Variants in PIP4K2A observed in about 807,000 individuals in gnomAD.
PIP4K2A encodes the protein phosphatidylinositol-5-phosphate 4-kinase type 2 alpha, also known as phosphatidylinositol 5-phosphate 4-kinase type-2 alpha.
Under a neutral mutation model 42.9 loss-of-function variants are expected in PIP4K2A, and 14 were observed. That is an observed-to-expected ratio of 0.33 (90% CI 0.22 to 0.51). The LOEUF is 0.51. Among genes scored for constraint, PIP4K2A ranks in the 20% least tolerant of loss-of-function variants. The pLI is 0.97. For missense variants in PIP4K2A, 434 were observed against 519.8 expected, an observed-to-expected ratio of 0.83 and a Z score of 1.61; for synonymous variants, 192 against 192.2, an observed-to-expected ratio of 1.00 and a Z score of 0.01.
chr10:22,705,625 A>G (rs542688506), intron 1 of PIP4K2A, among the ~76,000 whole-genome samples: 1 of 151,800 alleles, frequency 6.6e-6, no homozygotes, highest in Admixed American at 6.6e-5. Flanking sequence ...GGTGTTTCTC[A>G]GACTTAAATA....
chr10:22,567,474 T>G, intron 6 of PIP4K2A: 2 of 427,530 alleles, frequency 4.7e-6, no homozygotes, highest in Non-Finnish European at 4.5e-6. Flanking sequence ...CAGGGTCACA[T>G]TCGGTTTGAT....
intron 1 of PIP4K2A, among the ~76,000 whole-genome samples, chr10:22,619,076 G>A (rs1442370297): frequency 5.0e-5 from 6 of 119,584 alleles, no homozygotes; most frequent in African/African-American, 1.2e-4. Flanking sequence ...ATTTTGTACT[G>A]GGGGAAAAAA....
intron 1 of PIP4K2A, among the ~76,000 whole-genome samples, chr10:22,685,754 C>T (rs1274944994): frequency 1.3e-5 from 2 of 151,788 alleles, no homozygotes; most frequent in African/African-American, 2.4e-5. Context: ...GTGGGGGTGG[C>T]GGCGGGGCAG....
At chr10:22,550,258 G>A (rs1015639274) in intron 7 of PIP4K2A, among the ~76,000 whole-genome samples, 2 of 152,206 alleles carry the variant, frequency 1.3e-5, no homozygotes, top group Non-Finnish European at 2.9e-5. Context: ...AAAGTGCCAA[G>A]ACTGTAATAG....
intron 5 of PIP4K2A, among the ~76,000 whole-genome samples, chr10:22,570,808 G>A (rs963959047): frequency 6.6e-6 from 1 of 151,902 alleles, no homozygotes; most frequent in South Asian, 2.1e-4. Context: ...TCAAACAGTG[G>A]CAACAGTGGG....
At chr10:22,546,618 C>T (rs919303572) in intron 7 of PIP4K2A, among the ~76,000 whole-genome samples, 4 of 152,066 alleles carry the variant, frequency 2.6e-5, no homozygotes, top group African/African-American at 9.7e-5. Context: ...ACTATGTTGC[C>T]CAGGCTGTTC....
intron 4 of PIP4K2A, among the ~76,000 whole-genome samples, chr10:22,579,455 T>G (rs1837205888): frequency 6.6e-6 from 1 of 152,204 alleles, no homozygotes; most frequent in Non-Finnish European, 1.5e-5. Flanking sequence ...AATGGTGTTC[T>G]CCACAGAGTC....
intron 6 of PIP4K2A, among the ~76,000 whole-genome samples, chr10:22,551,463 CTG>C (rs1564416909): frequency 6.6e-6 from 1 of 152,184 alleles, no homozygotes; most frequent in Non-Finnish European, 1.5e-5. Context: ...AATAAGTAAA[CTG>C]CACTTATGGC....
intron 1 of PIP4K2A, chr10:22,662,023 T>C (rs2130834814): frequency 6.6e-6 from 1 of 152,328 alleles, no homozygotes; most frequent in South Asian, 2.1e-4. Flanking sequence ...CCCTTGATCA[T>C]TTATTATAAA....
chr10:22,665,927 G>A (rs1839342211), intron 1 of PIP4K2A, among the ~76,000 whole-genome samples: 1 of 151,824 alleles, frequency 6.6e-6, no homozygotes, highest in Non-Finnish European at 1.5e-5. Context: ...TATCAGAAGT[G>A]GGACTGTGAG....
chr10:22,537,413 G>A (rs1588608493), intron 9 of PIP4K2A, 132 bp from the exon 10 acceptor site: 2 of 676,064 alleles, frequency 3.0e-6, no homozygotes, highest in Non-Finnish European at 5.1e-6. Context: ...TGCAGTCTCT[G>A]CTCTGAAAAA....
intron 1 of PIP4K2A, among the ~76,000 whole-genome samples, chr10:22,663,404 A>C (rs1171915263): frequency 2.6e-5 from 4 of 152,218 alleles, no homozygotes; most frequent in Non-Finnish European, 5.9e-5. Flanking sequence ...TATAATTTCC[A>C]TATGGTTGGT....
At chr10:22,654,680 G>T (rs1235892179) in intron 1 of PIP4K2A, among the ~76,000 whole-genome samples, 1 of 152,188 alleles carries the variant, frequency 6.6e-6, no homozygotes, top group Non-Finnish European at 1.5e-5. Context: ...TCATGGTGGG[G>T]AAGCCCTGCA....
intron 1 of PIP4K2A, among the ~76,000 whole-genome samples, chr10:22,664,034 T>C (rs1457798705): frequency 1.7e-4 from 18 of 104,568 alleles, no homozygotes; most frequent in African/African-American, 9.4e-4. Context: ...TATATATACA[T>C]ATATATATAT....
intron 1 of PIP4K2A, among the ~76,000 whole-genome samples, chr10:22,642,352 T>A (rs1191497794): frequency 6.6e-6 from 1 of 152,186 alleles, no homozygotes; most frequent in Non-Finnish European, 1.5e-5. Flanking sequence ...GGCAAACCAA[T>A]TTATTTTGGC....
At chr10:22,639,964 T>C (rs1838744648) in intron 1 of PIP4K2A, among the ~76,000 whole-genome samples, 1 of 150,356 alleles carries the variant, frequency 6.7e-6, no homozygotes, top group South Asian at 2.1e-4. Flanking sequence ...AAACTGGCGG[T>C]TTACCAAGAA....
intron 4 of PIP4K2A, among the ~76,000 whole-genome samples, chr10:22,577,358 G>A (rs1021962555): frequency 8.6e-5 from 13 of 152,042 alleles, no homozygotes; most frequent in African/African-American, 3.1e-4. Flanking sequence ...TGGAGGTGGT[G>A]CTCGGTGGGA....
intron 1 of PIP4K2A, among the ~76,000 whole-genome samples, chr10:22,617,474 T>C (rs1301439262): frequency 6.6e-6 from 1 of 152,240 alleles, no homozygotes; most frequent in East Asian, 1.9e-4. Flanking sequence ...TGGCACTTAA[T>C]TAATTCAGAT....
chr10:22,577,087 A>AG lies in PIP4K2A; in HGVS notation c.493-3631_493-3630insC, dbSNP rs1233614886. ...AGCAAACTCCTGTCTCAAAAAAAAA[A>AG]AAAAAAAAAAAAGTATTCATAGATT... On this transcript the variant is annotated intron_variant, in intron 4 of 9. Transcript: ENST00000376573. Among the ~76,000 whole-genome samples, 252 of 152,066 alleles carry AG rather than the reference A, an allele frequency of 1.7e-3. 1 individual carries two copies. The highest frequency in any genetic ancestry group is 6.8e-3 in the Middle Eastern group (2 of 294).
Sources: allele counts gnomAD v4.1 joint callset (sites outside exome capture counted in the v4.1 genomes callset), GRCh38; gene constraint gnomAD v4.1.1; transcripts MANE v1.5; gene names NCBI Gene and HGNC (gene_info 2026-07-23, HGNC 2026-07-21).